Variants in SYT1 observed in about 807,000 individuals in gnomAD.
The protein encoded by SYT1 is synaptotagmin-1.
Under a neutral mutation model 44.8 loss-of-function variants are expected in SYT1, and 8 were observed. That is an observed-to-expected ratio of 0.18 (90% CI 0.10 to 0.32). The LOEUF (loss-of-function observed/expected upper bound fraction) is 0.32. Among genes scored for constraint, SYT1 ranks in the 10% least tolerant of loss-of-function variants. SYT1 has a pLI of 1.00. For synonymous variants in SYT1, 154 were observed against 188.8 expected, an observed-to-expected ratio of 0.82 and a Z score of 1.51; for missense variants, 286 against 509.3, an observed-to-expected ratio of 0.56 and a Z score of 4.22.
At chr12:78,912,130 G>A (rs569718924) in intron 1 of SYT1, among the ~76,000 whole-genome samples, 29 of 151,900 alleles carry the variant, frequency 1.9e-4, no homozygotes, top group Non-Finnish European at 4.1e-4. Flanking sequence ...GGGATGGAAT[G>A]TTAGGTGTAT....
At chr12:79,296,360 A>G in intron 7 of SYT1, 124 bp downstream of exon 7, 1 of 1,000,092 alleles carries the variant, frequency 1.0e-6, no homozygotes. Flanking sequence ...AATTCCAGTC[A>G]GAATATGCAA....
chr12:79,348,901 A>C (rs886295015), intron 8 of SYT1, among the ~76,000 whole-genome samples: 1 of 151,442 alleles, frequency 6.6e-6, no homozygotes, highest in Non-Finnish European at 1.5e-5. Context: ...AAGACAAAGA[A>C]AGAAAGAAAG....
intron 2 of SYT1, among the ~76,000 whole-genome samples, chr12:79,045,343 G>T (rs570928708): frequency 0.014 from 2,117 of 152,258 alleles, 51 homozygotes; most frequent in African/African-American, 0.047. Flanking sequence ...TTTTAAGCCG[G>T]TCGGAAAAGC....
chr12:79,147,236 C>T (rs1373596571), intron 3 of SYT1, among the ~76,000 whole-genome samples: 1 of 152,156 alleles, frequency 6.6e-6, no homozygotes, highest in Non-Finnish European at 1.5e-5. Context: ...AAGCTGTCTA[C>T]TCTTCATATT....
rs398040025 is a variant in SYT1, at chr12:79,424,953, C to CTTTTTTTT, written c.929-19108_929-19101dup. Among the ~76,000 whole-genome samples, 117 of 85,192 alleles carry CTTTTTTTT rather than the reference C, an allele frequency of 1.4e-3. 1 individual carries two copies. The highest frequency in any genetic ancestry group is 1.7e-3 in the Non-Finnish European group (71 of 42,522). 55.9% of individuals were successfully genotyped at this position (85,192 alleles called of 152,430 possible). On this transcript the variant is annotated intron_variant, in intron 9 of 10. Transcript: ENST00000261205. ...TGTTTTGCTTTTGATTTTTCTTCTTCTTTTTTTTTTTTTTTTTTTGAGACA... is the reference window on the plus strand; with the variant it reads ...TGTTTTGCTTTTGATTTTTCTTCTTCTTTTTTTTTTTTTTTTTTTTTTTTTTTGAGACA...
At chr12:79,385,726 A>ATTGTTG (rs10632647) in intron 9 of SYT1, among the ~76,000 whole-genome samples, 158 of 151,072 alleles carry the variant, frequency 1.0e-3, no homozygotes, top group Admixed American at 1.8e-3. Context: ...ACAATTACCC[A>ATTGTTG]TTGTTGTTGT....
At chr12:79,114,450 A>T (rs1879173303) in intron 3 of SYT1, among the ~76,000 whole-genome samples, 1 of 152,138 alleles carries the variant, frequency 6.6e-6, no homozygotes, top group Admixed American at 6.6e-5. Flanking sequence ...AGCTACAGGT[A>T]TTGGGAGGTA....
intron 1 of SYT1, among the ~76,000 whole-genome samples, chr12:78,900,651 A>G (rs1875610751): frequency 6.6e-6 from 1 of 152,122 alleles, no homozygotes; most frequent in Non-Finnish European, 1.5e-5. Flanking sequence ...AGTGGAGAAG[A>G]GGCTAGAGCA....
chr12:79,257,963 A>T (rs1828532755), intron 4 of SYT1, among the ~76,000 whole-genome samples: 1 of 152,210 alleles, frequency 6.6e-6, no homozygotes, highest in African/African-American at 2.4e-5. Context: ...GTATCACAAC[A>T]TCTGAATTCT....
chr12:78,864,149 C>T (rs1409482138), upstream of SYT1: 1 of 152,314 alleles, frequency 6.6e-6, no homozygotes, highest in East Asian at 1.9e-4. Flanking sequence ...TTTGAGGACA[C>T]TTGTGCGGAA....
At chr12:79,266,527 ACT>A (rs751436959) in intron 4 of SYT1, among the ~76,000 whole-genome samples, 1 of 152,120 alleles carries the variant, frequency 6.6e-6, no homozygotes, top group Non-Finnish European at 1.5e-5. Context: ...TAGAATACAA[ACT>A]CTAAACAGAA....
chr12:78,981,786 T>C (rs1191121440), intron 2 of SYT1, among the ~76,000 whole-genome samples: 5 of 152,358 alleles, frequency 3.3e-5, no homozygotes, highest in African/African-American at 7.2e-5. Context: ...GTCAGCACTA[T>C]GCAAATTTTG....
At chr12:79,415,392 G>T (rs1413822351) in intron 9 of SYT1, among the ~76,000 whole-genome samples, 1 of 152,146 alleles carries the variant, frequency 6.6e-6, no homozygotes, top group African/African-American at 2.4e-5. Context: ...GGGCAATCTG[G>T]TTGGAAAGAT....
intron 3 of SYT1, among the ~76,000 whole-genome samples, chr12:79,146,430 T>C (rs889382116): frequency 3.3e-5 from 5 of 152,190 alleles, no homozygotes; most frequent in Non-Finnish European, 5.9e-5. Flanking sequence ...AGAAAGTTCA[T>C]TACCTTTCTG....
chr12:79,425,112 A>G (rs548887359), intron 9 of SYT1, among the ~76,000 whole-genome samples: 11 of 151,984 alleles, frequency 7.2e-5, no homozygotes, highest in South Asian at 2.1e-4. Flanking sequence ...CTTCCAGTCT[A>G]TGAAGGTCGT....
At chr12:79,161,365 A>G (rs1870939175) in intron 3 of SYT1, among the ~76,000 whole-genome samples, 1 of 152,170 alleles carries the variant, frequency 6.6e-6, no homozygotes, top group Admixed American at 6.5e-5. Flanking sequence ...GTCACATGCT[A>G]GGTTTGTAGC....
intron 1 of SYT1, among the ~76,000 whole-genome samples, chr12:78,951,512 G>C (rs763616747): frequency 1.3e-5 from 2 of 152,086 alleles, no homozygotes; most frequent in African/African-American, 4.8e-5. Flanking sequence ...ATGAACACCA[G>C]TGTAATTTTG....
At chr12:79,285,664 C>G (rs906793149) in intron 4 of SYT1, 123 bp from the exon 5 acceptor site, 3 of 665,418 alleles carry the variant, frequency 4.5e-6, no homozygotes, top group Non-Finnish European at 7.6e-6. Context: ...AATGGTGTAC[C>G]TGCAGCATAA....
chr12:79,317,765 T>G (rs985016808), intron 8 of SYT1, among the ~76,000 whole-genome samples: 1 of 139,436 alleles, frequency 7.2e-6, no homozygotes, highest in African/African-American at 2.7e-5. Context: ...GAAAGAACAC[T>G]GCAGAAGAGT....
Sources: allele counts gnomAD v4.1 joint callset (sites outside exome capture counted in the v4.1 genomes callset), GRCh38; gene constraint gnomAD v4.1.1; transcripts MANE v1.5; gene names NCBI Gene and HGNC (gene_info 2026-07-23, HGNC 2026-07-21).